The following RASEF variants were observed in gnomAD, a reference collection of about 807,000 sequenced individuals.
The protein encoded by RASEF is RAS and EF-hand domain containing, also known as ras and EF-hand domain-containing protein.
A neutral mutation model predicts 90.1 loss-of-function variants in RASEF; 68 were observed. That is an observed-to-expected ratio of 0.75 (90% confidence interval 0.62 to 0.92). The LOEUF is 0.92. Ranked by LOEUF, RASEF falls within the 40% of genes least tolerant of loss-of-function variation. The pLI, the probability that RASEF is intolerant of heterozygous loss-of-function variation, is 0.00. For missense variants in RASEF, 949 were observed against 937.2 expected, an observed-to-expected ratio of 1.01 and a Z score of -0.16; for synonymous variants, 331 against 345.2, an observed-to-expected ratio of 0.96 and a Z score of 0.46.
rs1025755226 is a variant in RASEF at position 83,009,903 on chromosome 9, T to C, written c.844-147A>G. The C allele has an allele frequency of 7.3e-6, 4 of 549,164 alleles. No homozygotes were observed. The Admixed American group carries it at 1.3e-4, about 17-fold the overall frequency. The allele number at this position is 549,164 out of a possible 1,614,324, so 34.0% of individuals were successfully genotyped here. A position where few individuals can be genotyped will look rare whatever the true frequency, so the allele number is the denominator to read the frequency against. ...CAGTGTTCAAACAACTATTTGTCAA[T>C]TCAAGGTAATTTGAAATCAATATAA... is the stretch of plus-strand genomic sequence containing the variant. On this transcript the variant is annotated intron_variant, in intron 5 of 16. Coordinates refer to ENST00000376447, the MANE Select transcript of RASEF (RefSeq NM_152573.4).
chr9:83,213,092 T>TAAAAAAA, the RASEF span, among the ~76,000 whole-genome samples: 1 of 138,536 alleles, frequency 7.2e-6, no homozygotes, highest in Non-Finnish European at 1.5e-5. Flanking sequence ...TGCACACGTT[T>TAAAAAAA]TAAAAAAAAA....
At chr9:83,124,687 T>C in the RASEF span, among the ~76,000 whole-genome samples, 9 of 152,200 alleles carry the variant, frequency 5.9e-5, no homozygotes, top group African/African-American at 1.7e-4. Flanking sequence ...CTGAAACTTA[T>C]CAGTTGTTAC....
chr9:83,089,485 T>C, the RASEF span, among the ~76,000 whole-genome samples: 1 of 152,136 alleles, frequency 6.6e-6, no homozygotes, highest in Non-Finnish European at 1.5e-5. Context: ...TAAAAAACTC[T>C]CTTGGCTATT....
At chr9:83,010,369 G>T (rs767719067) in intron 5 of RASEF, among the ~76,000 whole-genome samples, 24 of 152,150 alleles carry the variant, frequency 1.6e-4, no homozygotes, top group Non-Finnish European at 2.8e-4. Flanking sequence ...ACAGTTAAAA[G>T]AATGGAAGAG....
At chr9:83,066,155 C>T (rs1564094117), upstream of RASEF, among the ~76,000 whole-genome samples, 1 of 152,162 alleles carries the variant, frequency 6.6e-6, no homozygotes, top group Non-Finnish European at 1.5e-5. Context: ...CTTTTATTGT[C>T]CCCCAAATAA....
the RASEF span, among the ~76,000 whole-genome samples, chr9:83,123,141 G>A: frequency 2.6e-5 from 4 of 151,914 alleles, no homozygotes; most frequent in African/African-American, 9.7e-5. Flanking sequence ...TCGGGAGGCT[G>A]AGGCAGGAGA....
the RASEF span, among the ~76,000 whole-genome samples, chr9:83,153,709 G>T: frequency 1.3e-5 from 2 of 152,158 alleles, no homozygotes; most frequent in Non-Finnish European, 2.9e-5. Flanking sequence ...CTCTTCTTTG[G>T]ATGTTCTTTT....
chr9:83,208,358 A>G, the RASEF span, among the ~76,000 whole-genome samples: 1 of 152,106 alleles, frequency 6.6e-6, no homozygotes, highest in East Asian at 1.9e-4. Context: ...TCCTGCCTAG[A>G]ACACCCCTTC....
At chr9:83,022,297 T>C (rs769192106) in intron 3 of RASEF, 39 bp downstream of exon 3, 14 of 1,508,350 alleles carry the variant, frequency 9.3e-6, no homozygotes, top group South Asian at 5.6e-5. Flanking sequence ...AACCACCTCA[T>C]AAAGATCTGC....
At chr9:83,180,305 T>C in the RASEF span, among the ~76,000 whole-genome samples, 1 of 152,010 alleles carries the variant, frequency 6.6e-6, no homozygotes, top group East Asian at 1.9e-4. Flanking sequence ...TAAAGGCAAG[T>C]ATGTCTAAGG....
the RASEF span, among the ~76,000 whole-genome samples, chr9:83,076,666 C>G: frequency 1.3e-5 from 2 of 152,026 alleles, no homozygotes; most frequent in Admixed American, 1.3e-4. Flanking sequence ...ATTTTGTTTG[C>G]TTTGAAATCT....
intron 1 of RASEF, among the ~76,000 whole-genome samples, chr9:83,035,250 C>T (rs1381490659): frequency 2.0e-5 from 3 of 152,170 alleles, no homozygotes; most frequent in Non-Finnish European, 4.4e-5. Flanking sequence ...AACTATTTAG[C>T]CCTATCACTG....
the RASEF span, among the ~76,000 whole-genome samples, chr9:83,187,887 T>C: frequency 6.6e-6 from 1 of 152,204 alleles, no homozygotes; most frequent in Non-Finnish European, 1.5e-5. Flanking sequence ...ACACGAGAGC[T>C]CTACAATCCA....
chr9:83,092,448 G>A, the RASEF span, among the ~76,000 whole-genome samples: 1 of 151,784 alleles, frequency 6.6e-6, no homozygotes, highest in Non-Finnish European at 1.5e-5. Context: ...TGGCTCAGGA[G>A]TGAAGCTGCA....
At chr9:83,074,656 T>A in the RASEF span, among the ~76,000 whole-genome samples, 1 of 152,238 alleles carries the variant, frequency 6.6e-6, no homozygotes. Flanking sequence ...TCTCACTCAT[T>A]AGCTTTCACA....
At chr9:83,034,429 T>C (rs2118611393) in intron 1 of RASEF, among the ~76,000 whole-genome samples, 1 of 152,300 alleles carries the variant, frequency 6.6e-6, no homozygotes, top group East Asian at 1.9e-4. Context: ...TAAAATTCTT[T>C]CTGGGTTTGT....
At chr9:83,200,402 CA>C in the RASEF span, among the ~76,000 whole-genome samples, 14 of 151,832 alleles carry the variant, frequency 9.2e-5, no homozygotes, top group African/African-American at 3.4e-4. Context: ...TCTCAAAAAA[CA>C]AAAAAATCCT....
chr9:83,015,787 C>A lies in RASEF; in HGVS notation c.765+18G>T. 1 of 1,582,674 alleles carries A rather than the reference C, an allele frequency of 6.3e-7. No individual in the cohort carries two copies. Among genetic ancestry groups the A allele is most frequent in the South Asian group, 1.1e-5 (1 of 90,474 alleles). On this transcript the variant is annotated intron_variant, in intron 4 of 16. Transcript: ENST00000376447. ...GATGCTGAGGCTGTTCCTACAAGTC[C>A]AGCTGCCACATGCCTACCTTTCTTA...
chr9:83,156,755 C>T, the RASEF span, among the ~76,000 whole-genome samples: 1 of 152,126 alleles, frequency 6.6e-6, no homozygotes, highest in Non-Finnish European at 1.5e-5. Flanking sequence ...ATCTGATAGT[C>T]CTGGATTGCT....
Sources: gnomAD v4.1 joint callset for allele counts (sites outside exome capture counted in the v4.1 genomes callset) on GRCh38, gnomAD v4.1.1 for gene constraint, MANE v1.5 for transcripts, NCBI Gene and HGNC (gene_info 2026-07-23, HGNC 2026-07-21) for gene names.